The following FGF14 variants were observed in gnomAD, a reference collection of about 807,000 sequenced individuals.
FGF14 encodes the protein fibroblast growth factor 14, also known as fibroblast growth factor homologous factor 4.
Under a neutral mutation model 25.5 loss-of-function variants are expected in FGF14, and 5 were observed. The observed-to-expected ratio is 0.20, with a 90% CI of 0.10 to 0.41. The LOEUF is 0.41. Ranked by LOEUF, FGF14 falls within the 10% of genes least tolerant of loss-of-function variation. The pLI, the probability that FGF14 is intolerant of heterozygous loss-of-function variation, is 1.00. For missense variants in FGF14, 222 were observed against 320.1 expected (o/e 0.69, Z 2.34); for synonymous variants, 138 against 118.3 (o/e 1.17, Z -1.08).
chr13:101,829,755 A>G (rs968803342), intron 3 of FGF14, among the ~76,000 whole-genome samples: 1 of 152,080 alleles, frequency 6.6e-6, no homozygotes, highest in African/African-American at 2.4e-5. Context: ...TTGATTCACT[A>G]GGGGTTAAGA....
chr13:101,781,141 TC>T (rs2039467348), intron 3 of FGF14, among the ~76,000 whole-genome samples: 2 of 53,706 alleles, frequency 3.7e-5, no homozygotes, highest in Non-Finnish European at 7.7e-5. Context: ...TCTTTGTCTC[TC>T]TCTCTCTCTC....
intron 1 of FGF14, among the ~76,000 whole-genome samples, chr13:101,880,841 T>C (rs1409151552): frequency 6.6e-6 from 1 of 152,062 alleles, no homozygotes; most frequent in Non-Finnish European, 1.5e-5. Flanking sequence ...TCACTTTCTG[T>C]TTTGTTTTTA....
chr13:102,343,549 T>C (rs2057016803), intron 1 of FGF14, among the ~76,000 whole-genome samples: 1 of 152,206 alleles, frequency 6.6e-6, no homozygotes, highest in African/African-American at 2.4e-5. Flanking sequence ...ATAATCAGAT[T>C]TTCTTTTAGA....
chr13:101,984,185 T>C (rs746462617), intron 1 of FGF14, among the ~76,000 whole-genome samples: 2 of 152,168 alleles, frequency 1.3e-5, no homozygotes, highest in East Asian at 3.8e-4. Context: ...TATTGATATA[T>C]TGACGTCAGA....
At chr13:102,028,113 G>A (rs2041025145) in intron 1 of FGF14, among the ~76,000 whole-genome samples, 1 of 151,952 alleles carries the variant, frequency 6.6e-6, no homozygotes, top group Admixed American at 6.6e-5. Flanking sequence ...CCATAAGAAG[G>A]GAAGAAGGAA....
intron 3 of FGF14, among the ~76,000 whole-genome samples, chr13:101,862,096 G>A (rs2044448026): frequency 6.6e-6 from 1 of 152,122 alleles, no homozygotes; most frequent in African/African-American, 2.4e-5. Flanking sequence ...ACTGGGCTGA[G>A]CTTTAAGAGG....
rs1366224531 is a variant in FGF14, at chr13:101,714,585, C to T, written c.*8246G>A. On this transcript the variant is annotated 3_prime_UTR_variant, in exon 5 of 5. Transcript: ENST00000376143. ...TTAACCTTTTCTAATTGCTCTATGCCACAGTTTGTTATAGAGCCAAGAGAC... is the reference window on the plus strand; with the variant it reads ...TTAACCTTTTCTAATTGCTCTATGCTACAGTTTGTTATAGAGCCAAGAGAC... 7.9e-7 allele frequency: 1 copy of T among 1,271,260 alleles called. No individual in the cohort carries two copies. Among genetic ancestry groups the T allele is most frequent in the Non-Finnish European group, 1.2e-6 (1 of 868,200 alleles). 78.7% of individuals were successfully genotyped at this position (1,271,260 alleles called of 1,614,324 possible).
chr13:101,790,701 G>A (rs887148566), intron 3 of FGF14, among the ~76,000 whole-genome samples: 2 of 152,126 alleles, frequency 1.3e-5, no homozygotes, highest in East Asian at 1.9e-4. Context: ...CCTTATACCT[G>A]AGTCCACCAT....
At chr13:101,804,366 G>T (rs778702316) in intron 3 of FGF14, among the ~76,000 whole-genome samples, 8 of 152,092 alleles carry the variant, frequency 5.3e-5, no homozygotes, top group Admixed American at 6.5e-5. Context: ...CATCCCAAAG[G>T]AATTCTGGAA....
At position 102,300,938 on chromosome 13, in the gene FGF14, T is replaced by G. The variant is rs28530591; in HGVS notation, c.208+100533A>C. 6.5e-5 allele frequency among the ~76,000 whole-genome samples: 5 copies of G among 76,876 alleles called. No individual in the cohort carries two copies. In the Admixed American group the frequency reaches 7.6e-4, roughly 12 times the overall value. 50.4% of individuals were successfully genotyped at this position (76,876 alleles called of 152,430 possible). On this transcript the variant is annotated intron_variant, in intron 1 of 4. Coordinates refer to the FGF14 transcript ENST00000376131. Reference sequence around the variant, plus strand: ...GCACACAGACACACACACACACACATACACACACACACACACACACACACA... The same window carrying G: ...GCACACAGACACACACACACACACAGACACACACACACACACACACACACA...
intron 1 of FGF14, among the ~76,000 whole-genome samples, chr13:102,212,244 T>C (rs2050191383): frequency 6.6e-6 from 1 of 152,284 alleles, no homozygotes; most frequent in Non-Finnish European, 1.5e-5. Context: ...TAATATGACA[T>C]GTTTTTTTAA....
chr13:101,835,243 G>T (rs185555070), intron 3 of FGF14, among the ~76,000 whole-genome samples: 1 of 152,016 alleles, frequency 6.6e-6, no homozygotes, highest in Middle Eastern at 3.2e-3. Flanking sequence ...GTGTGTGAGA[G>T]AGAGACTGAA....
chr13:101,715,308 C>T lies in FGF14; in HGVS notation c.*7523G>A, dbSNP rs1420929456. Reference sequence around the variant, plus strand: ...GGAAAACAAAATTGTCACCTAAAAGCCTAGCTGGAGTGATACAGGATGGTG... The same window carrying T: ...GGAAAACAAAATTGTCACCTAAAAGTCTAGCTGGAGTGATACAGGATGGTG... On this transcript the variant is annotated 3_prime_UTR_variant, in exon 5 of 5. Transcript: ENST00000376143. 7 of 387,760 alleles carry T rather than the reference C, an allele frequency of 1.8e-5. No individual in the cohort carries two copies. Among genetic ancestry groups the T allele is most frequent in the Non-Finnish European group, 3.3e-5 (7 of 213,894 alleles). 24.0% of individuals were successfully genotyped at this position (387,760 alleles called of 1,614,324 possible).
chr13:102,065,293 T>C (rs1353448996), intron 1 of FGF14, among the ~76,000 whole-genome samples: 3 of 152,114 alleles, frequency 2.0e-5, no homozygotes, highest in African/African-American at 4.8e-5. Flanking sequence ...AAATCATTCA[T>C]ATACGATCTA....
chr13:101,740,768 A>G (rs2036499607), intron 3 of FGF14, among the ~76,000 whole-genome samples: 1 of 152,036 alleles, frequency 6.6e-6, no homozygotes, highest in Admixed American at 6.6e-5. Context: ...ACAATGTTGC[A>G]TGTTTAAGTT....
At chr13:101,916,405 G>A in intron 1 of FGF14, 48 bp downstream of exon 1, 3 of 1,604,594 alleles carry the variant, frequency 1.9e-6, no homozygotes, top group South Asian at 2.2e-5. Context: ...CGTTTAGGCG[G>A]GGAGGGGGCG....
intron 1 of FGF14, among the ~76,000 whole-genome samples, chr13:101,912,259 T>C (rs2033022431): frequency 1.3e-5 from 2 of 152,164 alleles, no homozygotes; most frequent in African/African-American, 4.8e-5. Flanking sequence ...TAATTTATTT[T>C]AGTTAAAATG....
chr13:102,320,507 A>G (rs552978239), intron 1 of FGF14, among the ~76,000 whole-genome samples: 1 of 152,174 alleles, frequency 6.6e-6, no homozygotes, highest in Non-Finnish European at 1.5e-5. Flanking sequence ...AATGGTGACT[A>G]AACCAATTTC....
At chr13:102,322,594 TA>T (rs1158058556) in intron 1 of FGF14, among the ~76,000 whole-genome samples, 2 of 152,150 alleles carry the variant, frequency 1.3e-5, no homozygotes, top group East Asian at 3.9e-4. Flanking sequence ...TACTTATAAA[TA>T]AAGTTGTGGT....
Sources: gnomAD v4.1 joint callset for allele counts (sites outside exome capture counted in the v4.1 genomes callset) on GRCh38, gnomAD v4.1.1 for gene constraint, MANE v1.5 for transcripts, NCBI Gene and HGNC (gene_info 2026-07-23, HGNC 2026-07-21) for gene names.